ZNF585B: variants seen among roughly 807,000 people sequenced by gnomAD.
The protein encoded by ZNF585B is zinc finger protein 585B, also known as zinc finger protein 41-like protein.
ZNF585B carries 7 observed loss-of-function variants against 14.0 expected under a neutral mutation model. The ratio of observed to expected loss-of-function variants is 0.50; its 90% CI spans 0.28 to 0.94. The LOEUF is 0.94. Among genes scored for constraint, ZNF585B ranks in the 40% least tolerant of loss-of-function variants. The pLI is 0.09. For synonymous variants in ZNF585B, 290 were observed against 317.3 expected (o/e 0.91, Z 0.91); for missense variants, 750 against 924.4 (o/e 0.81, Z 2.45).
At chr19:37,199,179 T>C (rs1972504477) in intron 2 of ZNF585B, 2 of 501,538 alleles carry the variant, frequency 4.0e-6, no homozygotes, top group South Asian at 2.4e-5. Context: ...GAACACGAGA[T>C]GTCATGTTAG....
intron 2 of ZNF585B, 150 bp downstream of exon 2, chr19:37,206,890 C>T (rs1246368011): frequency 2.0e-6 from 2 of 986,908 alleles, no homozygotes; most frequent in Non-Finnish European, 3.0e-6. Context: ...TCATTCTTGA[C>T]AGGAAGATCA....
intron 2 of ZNF585B, among the ~76,000 whole-genome samples, chr19:37,197,995 T>A (rs1972487245): frequency 6.6e-6 from 1 of 152,074 alleles, no homozygotes; most frequent in Non-Finnish European, 1.5e-5. Flanking sequence ...CTATGTACAT[T>A]CTGGTGCCAG....
chr19:37,208,093 C>A (rs1009735758), intron 1 of ZNF585B, among the ~76,000 whole-genome samples: 1 of 152,176 alleles, frequency 6.6e-6, no homozygotes, highest in Non-Finnish European at 1.5e-5. Flanking sequence ...CTGCCTCAGC[C>A]TCCCAAGTAG....
At chr19:37,197,822 C>T (rs886398932) in intron 2 of ZNF585B, among the ~76,000 whole-genome samples, 1 of 152,056 alleles carries the variant, frequency 6.6e-6, no homozygotes, top group African/African-American at 2.4e-5. Context: ...AATGGCAAAA[C>T]CGCAATTACT....
At position 37,181,699 on chromosome 19, in the gene ZNF585B, A is replaced by T. The variant is rs910460595; in HGVS notation, c.*3528T>A. On this transcript the variant is annotated 3_prime_UTR_variant, in exon 5 of 5. Transcript: ENST00000532828. ...ACAATAGCATATTATTCAATGAGAA[A>T]AAAAAAAAAAAAAGAGCTAGCAAGC... 6.7e-6 allele frequency: 1 copy of T among 149,314 alleles called. No individual in the cohort carries two copies. The highest frequency in any genetic ancestry group is 1.5e-5 in the Non-Finnish European group (1 of 67,836). 9.2% of individuals were successfully genotyped at this position (149,314 alleles called of 1,614,324 possible).
rs1171833443 is a variant in ZNF585B, at chr19:37,184,508, A to AAGAGAAAG, written c.*718_*719insCTTTCTCT. On this transcript the variant is annotated 3_prime_UTR_variant, in exon 5 of 5. Coordinates refer to ENST00000532828, the MANE Select transcript of ZNF585B (RefSeq NM_152279.4). ...AGAAAGAAAGAAAGAAAGAAAGAGA[A>AAGAGAAAG]AGAAAGAAAGAAAAAGAAAAAACAC... The AAGAGAAAG allele has an allele frequency of 7.1e-6, 1 of 140,932 alleles. No individual in the cohort carries two copies. Among genetic ancestry groups the AAGAGAAAG allele is most frequent in the Admixed American group, 7.1e-5 (1 of 14,012 alleles). The allele number at this position is 140,932 out of a possible 1,614,324, so 8.7% of individuals were successfully genotyped here. A position where few individuals can be genotyped will look rare whatever the true frequency, so the allele number is the denominator to read the frequency against.
At position 37,186,361 on chromosome 19, in the gene ZNF585B, A is replaced by T. The variant is rs1972333471; in HGVS notation, c.1176T>A (p.Thr392=). The part of the protein sequence containing the change: ...YECSDCGRAF[T]QKSALTVHQR... ...GATGCACTGTGAGTGCTGACTTCTG[A>T]GTGAAGGCTCTCCCACAGTCACTGC... Residue 392 remains threonine (T), a synonymous_variant, in exon 5 of 5, where the codon ACT becomes ACA. Coordinates refer to ENST00000532828, the MANE Select transcript of ZNF585B (RefSeq NM_152279.4). 1 of 1,613,898 alleles carries T rather than the reference A, an allele frequency of 6.2e-7. No individual in the cohort carries two copies. The highest frequency in any genetic ancestry group is 1.7e-5 in the Admixed American group (1 of 59,982).
chr19:37,185,334 T>C lies in ZNF585B; in HGVS notation c.2203A>G (p.Lys735Glu). The stretch of plus-strand genomic sequence containing the variant: ...TCTCCAGTGTGTGTTGTCTGATGTT[T>C]ATTCAAATTGGACCTGTTGCTAAAG... ...KAFSNRSNLN[K>E]HQTTHTGDKP... Residue 735 changes from lysine (K) to glutamate (E), a missense_variant, in exon 5 of 5, where the codon AAA becomes GAA. Transcript: ENST00000532828. The C allele has an allele frequency of 6.2e-7, 1 of 1,614,220 alleles. No individual in the cohort carries two copies. The highest frequency in any genetic ancestry group is 8.5e-7 in the Non-Finnish European group (1 of 1,180,046).
intron 2 of ZNF585B, among the ~76,000 whole-genome samples, chr19:37,204,488 G>A (rs987312886): frequency 2.6e-5 from 4 of 152,198 alleles, no homozygotes; most frequent in Admixed American, 6.5e-5. Context: ...CCACTCTGTC[G>A]TTATATTTGA....
intron 4 of ZNF585B, among the ~76,000 whole-genome samples, chr19:37,188,667 T>TCAAACAAACAAA (rs111426515): frequency 1.3e-5 from 2 of 150,236 alleles, no homozygotes; most frequent in Non-Finnish European, 3.0e-5. Flanking sequence ...AGACTCCCTC[T>TCAAACAAACAAA]CAAACAAACA....
chr19:37,181,878 T>G lies in ZNF585B; in HGVS notation c.*3349A>C, dbSNP rs558310315. 6.6e-6 allele frequency: 1 copy of G among 152,306 alleles called. No homozygotes were observed. Among genetic ancestry groups the G allele is most frequent in the African/African-American group, 2.4e-5 (1 of 41,560 alleles). 9.4% of individuals were successfully genotyped at this position (152,306 alleles called of 1,614,324 possible). On this transcript the variant is annotated 3_prime_UTR_variant, in exon 5 of 5. Transcript: ENST00000532828. ...GAGTAGGCGAAACACAGAGGATTAT[T>G]GGGACAGTGAAACGGCTCTTTATCC... is the stretch of plus-strand genomic sequence containing the variant.
chr19:37,191,075 A>G (rs778402820), intron 2 of ZNF585B, among the ~76,000 whole-genome samples: 1 of 152,134 alleles, frequency 6.6e-6, no homozygotes, highest in Non-Finnish European at 1.5e-5. Flanking sequence ...TGCAGTCATC[A>G]CTACACTTTC....
Position 37,186,540 on chromosome 19 carries a change from T to G in ZNF585B, c.997A>C (p.Lys333Gln), listed in dbSNP as rs1236984330. The change falls in exon 5 of 5, where the codon AAG (lysine) becomes CAG (glutamine). Residue 333 changes from lysine to glutamine, a missense_variant. Around this residue, in one of 2 missense-constraint regions of ZNF585B, gnomAD observed 517 missense variants for 570.3 expected, o/e 0.91. Coordinates refer to ENST00000532828, the MANE Select transcript of ZNF585B (RefSeq NM_152279.4). Reference protein sequence around the residue: ...VKPYICTEYGKVFSNNSNLIT... With the variant: ...VKPYICTEYGQVFSNNSNLIT... The stretch of plus-strand genomic sequence containing the variant: ...AGGTTGGAATTATTGCTGAAGACCT[T>G]CCCATATTCGGTACATATATAGGGC... The G allele has an allele frequency of 1.9e-6, 3 of 1,614,092 alleles. No individual in the cohort carries two copies. In the African/African-American group the frequency reaches 4.0e-5, roughly 22 times the overall value.
chr19:37,205,821 G>A (rs914626059), intron 2 of ZNF585B, among the ~76,000 whole-genome samples: 3 of 152,096 alleles, frequency 2.0e-5, no homozygotes, highest in African/African-American at 4.8e-5. Flanking sequence ...TCTCACACCT[G>A]TAATCCCAGC....
rs970797923 is a variant in ZNF585B at position 37,210,534 on chromosome 19, T to G, written c.-237A>C. Reference sequence around the variant, plus strand: ...CTTCGGGGACCACTTCCACTTCCGGTCCGACTTCTAGCACCTCCCCTTATG... The same window carrying G: ...CTTCGGGGACCACTTCCACTTCCGGGCCGACTTCTAGCACCTCCCCTTATG... On this transcript the variant is annotated 5_prime_UTR_variant, in exon 1 of 5. Transcript: ENST00000532828. 6.6e-6 allele frequency: 1 copy of G among 152,222 alleles called. No homozygotes were observed. The highest frequency in any genetic ancestry group is 1.5e-5 in the Non-Finnish European group (1 of 68,050). 9.4% of individuals were successfully genotyped at this position (152,222 alleles called of 1,614,324 possible).
Position 37,183,093 on chromosome 19 carries a change from T to G in ZNF585B, c.*2134A>C, listed in dbSNP as rs546007234. On this transcript the variant is annotated 3_prime_UTR_variant, in exon 5 of 5. Coordinates refer to ENST00000532828, the MANE Select transcript of ZNF585B (RefSeq NM_152279.4). ...GAGGAAAAATGAGCAGGGAGTCTTT[T>G]GCAATCATGTTGGAGCTGTGGGATT... The G allele has an allele frequency of 1.1e-4, 16 of 152,332 alleles. No homozygotes were observed. In the East Asian group the frequency reaches 2.7e-3, roughly 26 times the overall value. The allele number at this position is 152,332 out of a possible 1,614,324, so 9.4% of individuals were successfully genotyped here.
chr19:37,187,939 T>C (rs1409703780), intron 4 of ZNF585B, among the ~76,000 whole-genome samples: 2 of 152,194 alleles, frequency 1.3e-5, no homozygotes, highest in Non-Finnish European at 2.9e-5. Flanking sequence ...AAGATTTATA[T>C]AAACTAATGA....
chr19:37,185,505 T>A lies in ZNF585B; in HGVS notation c.2032A>T (p.Ile678Phe), dbSNP rs1206152424. The A allele has an allele frequency of 1.2e-6, 2 of 1,612,766 alleles. No homozygotes were observed. Among genetic ancestry groups the A allele is most frequent in the African/African-American group, 2.7e-5 (2 of 74,524 alleles). ...CCAGTATGAATTCTGTGATGTGTAA[T>A]CAACTCTGACTTCTGTCGAAAGGTC... ...GKTFRQKSEL[I>F]THHRIHTGEK... Residue 678 changes from isoleucine (I) to phenylalanine (F), a missense_variant, in exon 5 of 5, where the codon ATT becomes TTT. Coordinates refer to ENST00000532828, the MANE Select transcript of ZNF585B (RefSeq NM_152279.4).
intron 2 of ZNF585B, among the ~76,000 whole-genome samples, chr19:37,202,309 A>G (rs886457329): frequency 6.6e-6 from 1 of 151,976 alleles, no homozygotes; most frequent in East Asian, 1.9e-4. Context: ...GGCCTCATCT[A>G]CTCTTGAATA....
Sources: gnomAD v4.1 joint callset for allele counts (sites outside exome capture counted in the v4.1 genomes callset) on GRCh38, gnomAD v4.1.1 for gene constraint, gnomAD v4.1.1 regional missense constraint, MANE v1.5 for transcripts, NCBI Gene and HGNC (gene_info 2026-07-23, HGNC 2026-07-21) for gene names.